TEKT5: variants seen among roughly 807,000 people sequenced by gnomAD.
The protein encoded by TEKT5 is tektin-5.
In TEKT5, 52 loss-of-function variants were observed where a neutral mutation model predicts 48.7. That is an observed-to-expected ratio of 1.07 (90% CI 0.86 to 1.35). TEKT5 has a LOEUF of 1.35. Ranked by LOEUF, TEKT5 falls within the 40% of genes most tolerant of loss-of-function variation. The pLI, the probability that TEKT5 is intolerant of heterozygous loss-of-function variation, is 0.00. For missense variants in TEKT5, 831 were observed against 641.6 expected (o/e 1.30, Z -3.19); for synonymous variants, 318 against 267.6 (o/e 1.19, Z -1.84).
chr16:10,650,387 C>T (rs993534550), intron 5 of TEKT5, among the ~76,000 whole-genome samples: 4 of 152,022 alleles, frequency 2.6e-5, no homozygotes, highest in African/African-American at 9.6e-5. Flanking sequence ...AGGGGTGAGC[C>T]ACTGTGCCCG....
At chr16:10,641,090 C>G (rs1897987868) in intron 5 of TEKT5, among the ~76,000 whole-genome samples, 2 of 152,192 alleles carry the variant, frequency 1.3e-5, no homozygotes, top group Admixed American at 1.3e-4. Context: ...TTCCCACCAG[C>G]AGTATTCACG....
intron 5 of TEKT5, among the ~76,000 whole-genome samples, chr16:10,671,300 A>C (rs532105025): frequency 9.8e-5 from 15 of 152,372 alleles, no homozygotes; most frequent in Middle Eastern, 3.4e-3. Flanking sequence ...CAGGCAATGA[A>C]ACATGACAAT....
In TEKT5 at chr16:10,659,431, G is replaced by C. The variant is rs148239889; in HGVS notation, c.1086+16528C>G. Among the ~76,000 whole-genome samples the C allele has an allele frequency of 9.3e-3, 1,413 of 152,246 alleles. 25 individuals carry two copies. Among genetic ancestry groups the C allele is most frequent in the African/African-American group, 0.029 (1,205 of 41,530 alleles). On this transcript the variant is annotated intron_variant, in intron 5 of 6. Coordinates refer to ENST00000283025, the MANE Select transcript of TEKT5 (RefSeq NM_144674.2). ...GCCTCGCTTTGTCACACAGGCTGGA[G>C]TGCAGTGGTGCAATCTCGGCTCACT...
At chr16:10,686,607 T>C (rs1567236447) in intron 3 of TEKT5, among the ~76,000 whole-genome samples, 1 of 151,892 alleles carries the variant, frequency 6.6e-6, no homozygotes, top group Non-Finnish European at 1.5e-5. Context: ...ACAAATGAGA[T>C]TACATCAAAC....
At chr16:10,635,335 G>A (rs1264659895) in intron 6 of TEKT5, among the ~76,000 whole-genome samples, 1 of 151,956 alleles carries the variant, frequency 6.6e-6, no homozygotes, top group East Asian at 1.9e-4. Context: ...GGGCTTCATG[G>A]TAAGAACTTT....
chr16:10,663,018 G>C (rs146990723), intron 5 of TEKT5, among the ~76,000 whole-genome samples: 12 of 152,134 alleles, frequency 7.9e-5, no homozygotes, highest in Admixed American at 3.9e-4. Flanking sequence ...AGGAGAAGCC[G>C]GAAGCAAATC....
chr16:10,643,569 T>C (rs950937355), intron 5 of TEKT5, among the ~76,000 whole-genome samples: 12 of 152,178 alleles, frequency 7.9e-5, no homozygotes, highest in African/African-American at 2.9e-4. Flanking sequence ...ATGTGGCTAG[T>C]GCAAATTGAG....
chr16:10,673,695 C>T (rs573158745), intron 5 of TEKT5, among the ~76,000 whole-genome samples: 3 of 147,010 alleles, frequency 2.0e-5, no homozygotes, highest in South Asian at 2.2e-4. Flanking sequence ...CTGTCTCCCA[C>T]GCTGGAGTGC....
intron 5 of TEKT5, among the ~76,000 whole-genome samples, chr16:10,641,784 T>C (rs533974405): frequency 1.3e-5 from 2 of 152,296 alleles, no homozygotes; most frequent in African/African-American, 4.8e-5. Context: ...ATCACGCCAC[T>C]GCACCCCAGC....
intron 4 of TEKT5, among the ~76,000 whole-genome samples, chr16:10,680,688 G>A (rs557701781): frequency 6.6e-6 from 1 of 151,738 alleles, no homozygotes; most frequent in South Asian, 2.1e-4. Flanking sequence ...CATAAAAAAT[G>A]ATGAGTTCAT....
At chr16:10,632,204 G>A (rs1897849253) in intron 6 of TEKT5, among the ~76,000 whole-genome samples, 1 of 152,212 alleles carries the variant, frequency 6.6e-6, no homozygotes, top group African/African-American at 2.4e-5. Context: ...CTGATATGGT[G>A]AACCCTAGCC....
chr16:10,680,925 G>A (rs1484262699), intron 4 of TEKT5, among the ~76,000 whole-genome samples: 1 of 150,270 alleles, frequency 6.7e-6, no homozygotes, highest in African/African-American at 2.5e-5. Context: ...CGATTTAGTG[G>A]GTGCAGCGCA....
In TEKT5 at chr16:10,637,314, G is replaced by T. The variant is rs1219490367; in HGVS notation, c.1087-1396C>A. 3.3e-5 allele frequency among the ~76,000 whole-genome samples: 5 copies of T among 149,926 alleles called. No homozygotes were observed. The South Asian group carries it at 1.1e-3, about 32-fold the overall frequency. ...GCCTCCCAAAGTGCTGGGATTACAC[G>T]CATGAGCCACCACACCCAGCCCGCT... On this transcript the variant is annotated intron_variant, in intron 5 of 6. Coordinates refer to ENST00000283025, the MANE Select transcript of TEKT5 (RefSeq NM_144674.2).
At chr16:10,639,791 TAGGTTG>T (rs1897964633) in intron 5 of TEKT5, among the ~76,000 whole-genome samples, 1 of 152,240 alleles carries the variant, frequency 6.6e-6, no homozygotes, top group South Asian at 2.1e-4. Flanking sequence ...CACAGCAGGG[TAGGTTG>T]GGTCCCCCAA....
At chr16:10,629,603 C>A (rs1024718147) in intron 6 of TEKT5, among the ~76,000 whole-genome samples, 2 of 152,172 alleles carry the variant, frequency 1.3e-5, no homozygotes, top group African/African-American at 4.8e-5. Flanking sequence ...TAGATAAGAG[C>A]CTCACTCAGG....
At chr16:10,680,203 A>G (rs919015550) in intron 4 of TEKT5, among the ~76,000 whole-genome samples, 6 of 152,254 alleles carry the variant, frequency 3.9e-5, no homozygotes, top group African/African-American at 1.4e-4. Context: ...CTTGTCAGGA[A>G]GAGAAGGAAA....
At chr16:10,690,923 G>T (rs942119046) in intron 1 of TEKT5, among the ~76,000 whole-genome samples, 1 of 152,226 alleles carries the variant, frequency 6.6e-6, no homozygotes, top group Non-Finnish European at 1.5e-5. Context: ...GTGCCACAAG[G>T]ATTTCCGGAG....
At chr16:10,665,700 C>T (rs1479856214) in intron 5 of TEKT5, among the ~76,000 whole-genome samples, 2 of 152,196 alleles carry the variant, frequency 1.3e-5, no homozygotes, top group Non-Finnish European at 2.9e-5. Flanking sequence ...CTCCCAGGGA[C>T]CCCTCATGCT....
intron 5 of TEKT5, among the ~76,000 whole-genome samples, chr16:10,667,877 ATAATTT>A (rs1596411991): frequency 1.2e-4 from 18 of 151,204 alleles, no homozygotes; most frequent in South Asian, 6.4e-4. Flanking sequence ...AAATAAGTTA[ATAATTT>A]TTTTTTTTTT....
Sources: allele counts gnomAD v4.1 joint callset (sites outside exome capture counted in the v4.1 genomes callset), GRCh38; gene constraint gnomAD v4.1.1; transcripts MANE v1.5; gene names NCBI Gene and HGNC (gene_info 2026-07-23, HGNC 2026-07-21).